The following POLR1C variants were observed in gnomAD, a reference collection of about 807,000 sequenced individuals.
POLR1C encodes RNA polymerase I and III subunit C, also known as DNA-directed RNA polymerases I and III subunit RPAC1.
In POLR1C, 42 loss-of-function variants were observed where a neutral mutation model predicts 38.3. The ratio of observed to expected loss-of-function variants is 1.10; its 90% CI spans 0.86 to 1.42. The LOEUF (loss-of-function observed/expected upper bound fraction) is 1.42, where lower values mean the gene tolerates loss of function less well. Ranked by LOEUF, POLR1C falls within the 40% of genes most tolerant of loss-of-function variation. The pLI, the probability that POLR1C is intolerant of heterozygous loss-of-function variation, is 0.00. For missense variants in POLR1C, 507 were observed against 450.5 expected, an observed-to-expected ratio of 1.13 and a Z score of -1.14; for synonymous variants, 163 against 163.9, an observed-to-expected ratio of 0.99 and a Z score of 0.04.
rs61739889 is a variant in POLR1C at position 43,551,437 on chromosome 6, T to C, written c.*48+426T>C. On this transcript the variant is annotated intron_variant, in intron 10 of 10. Transcript: ENST00000607635. The stretch of plus-strand genomic sequence containing the variant: ...AACCATCTGCAATAGCTCTATTCCA[T>C]CATTAACAGGAATTTCCTGTAACAA... 2,109 of 1,612,708 alleles carry C rather than the reference T, an allele frequency of 1.3e-3. 18 individuals are homozygous for C. The African/African-American group carries it at 0.022, about 17-fold the overall frequency.
chr6:43,538,766 T>C lies in POLR1C; in HGVS notation c.*4+9407T>C, dbSNP rs75273893. 1.2e-3 allele frequency: 771 copies of C among 643,924 alleles called. 4 individuals carry two copies. Among genetic ancestry groups the C allele is most frequent in the African/African-American group, 0.012 (631 of 54,318 alleles). The allele number at this position is 643,924 out of a possible 1,614,324, so 39.9% of individuals were successfully genotyped here. On this transcript the variant is annotated intron_variant, in intron 9 of 10. Coordinates refer to the POLR1C transcript ENST00000607635. ...ATAAAATGAGTTATGGAGCACTACA[T>C]TTTTCTTTTTTTTTTTCCCACGCTT...
In POLR1C at chr6:43,521,337, TCTGA is replaced by T. The variant is rs998123108; in HGVS notation, c.*43_*46del. ...TCTGAGGCAAGCTGAAGCTTTGGGTTCTGACTGACCCACCCTACAGGACTGCTGA... is the reference window on the plus strand; with the variant it reads ...TCTGAGGCAAGCTGAAGCTTTGGGTTCTGACCCACCCTACAGGACTGCTGA... On this transcript the variant is annotated 3_prime_UTR_variant, in exon 9 of 9. Transcript: ENST00000642195. 14 of 1,611,590 alleles carry T rather than the reference TCTGA, an allele frequency of 8.7e-6. No individual in the cohort carries two copies. Among genetic ancestry groups the T allele is most frequent in the African/African-American group, 1.3e-5 (1 of 74,822 alleles).
chr6:43,540,087 C>T (rs1794607785), intron 9 of POLR1C, among the ~76,000 whole-genome samples: 1 of 152,134 alleles, frequency 6.6e-6, no homozygotes, highest in Admixed American at 6.5e-5. Flanking sequence ...GAAACCCTGT[C>T]TCTACTGAAG....
At chr6:43,556,403 T>C (rs1189120882) in intron 10 of POLR1C, among the ~76,000 whole-genome samples, 9 of 151,566 alleles carry the variant, frequency 5.9e-5, no homozygotes, top group Non-Finnish European at 1.0e-4. Flanking sequence ...CATGCTCCTA[T>C]AGTCCCAGTA....
rs188772079 is a variant in POLR1C at position 43,527,505 on chromosome 6, C to A, written c.923-1744C>A. ...GCCAGGATGGTCTTGATCTTTTGAC[C>A]TCGCAATCCACCATGCCCGCCGCAA... On this transcript the variant is annotated intron_variant, in intron 8 of 8. Transcript: ENST00000304004. 226 of 856,684 alleles carry A rather than the reference C, an allele frequency of 2.6e-4. 1 individual carries two copies. The African/African-American group carries it at 2.8e-3, about 11-fold the overall frequency. 53.1% of individuals were successfully genotyped at this position (856,684 alleles called of 1,614,324 possible).
At chr6:43,521,940 ACCT>A (rs1203321786), downstream of POLR1C, among the ~76,000 whole-genome samples, 1 of 152,170 alleles carries the variant, frequency 6.6e-6, no homozygotes, top group African/African-American at 2.4e-5. Flanking sequence ...CAGAAAGAAC[ACCT>A]CCTGAGAATT....
At chr6:43,522,407 AT>A, downstream of POLR1C, 1 of 160,846 alleles carries the variant, frequency 6.2e-6, no homozygotes, top group Non-Finnish European at 1.4e-5. Context: ...AAAAGTTTCT[AT>A]AAACAATAGA....
At chr6:43,560,414 C>T in intron 10 of POLR1C, 2 of 1,328,902 alleles carry the variant, frequency 1.5e-6, no homozygotes, top group Non-Finnish European at 9.9e-7. Context: ...CTGTACAATA[C>T]TTTGAAGCTG....
intron 8 of POLR1C, 56 bp downstream of exon 8, chr6:43,521,104 T>C: frequency 6.3e-7 from 1 of 1,599,386 alleles, no homozygotes; most frequent in African/African-American, 1.3e-5. Flanking sequence ...GCAGCTTCCT[T>C]CCAGTCTAGA....
At chr6:43,525,778 A>C (rs1333490880), downstream of POLR1C, 10 of 1,551,782 alleles carry the variant, frequency 6.4e-6, no homozygotes, top group Admixed American at 1.9e-4. Context: ...GAGCAAGAAA[A>C]GTAAAAGGTG....
chr6:43,522,286 A>C (rs1280237876), downstream of POLR1C: 1 of 152,698 alleles, frequency 6.5e-6, no homozygotes, highest in Non-Finnish European at 1.5e-5. Flanking sequence ...GTAACCCTGG[A>C]GTATGTCACT....
intron 9 of POLR1C, among the ~76,000 whole-genome samples, chr6:43,537,900 C>G (rs962505388): frequency 2.6e-5 from 4 of 151,674 alleles, no homozygotes; most frequent in Admixed American, 6.6e-5. Context: ...AACCCTGTAT[C>G]TACTAAAAAT....
At chr6:43,523,685 AC>A, downstream of POLR1C, 1 of 929,314 alleles carries the variant, frequency 1.1e-6, no homozygotes, top group Non-Finnish European at 1.8e-6. Context: ...CTTTCTTGAT[AC>A]TTTAGTATAA....
chr6:43,536,787 A>AAAAAAAG (rs1561869430), intron 9 of POLR1C, among the ~76,000 whole-genome samples: 6 of 148,546 alleles, frequency 4.0e-5, no homozygotes, highest in African/African-American at 1.5e-4. Context: ...AAAAAAAAAA[A>AAAAAAAG]AAAGCAGCTT....
Position 43,529,294 on chromosome 6 carries a change from G to A in POLR1C, c.968G>A (p.Ser323Asn), listed in dbSNP as rs199754938. The A allele has an allele frequency of 3.1e-5, 38 of 1,230,986 alleles. No homozygotes were observed. The East Asian group carries it at 1.6e-3, about 51-fold the overall frequency. 76.3% of individuals were successfully genotyped at this position (1,230,986 alleles called of 1,614,324 possible). ...GCGGTGGCTCACACCTGTAATCCCA[G>A]CACTTTGGGAGGCCAAGGCGAGTGG... Residue 323 changes from serine to asparagine, a missense_variant, in exon 9 of 9, where the codon AGC becomes AAC. By Grantham distance (46) the Ser-to-Asn change is conservative. Coordinates refer to the POLR1C transcript ENST00000304004.
intron 10 of POLR1C, chr6:43,553,518 C>T (rs1795356208): frequency 6.5e-7 from 1 of 1,542,098 alleles, no homozygotes; most frequent in Non-Finnish European, 8.7e-7. Context: ...AAAACACACA[C>T]ACACACATAC....
intron 9 of POLR1C, among the ~76,000 whole-genome samples, chr6:43,540,634 C>G (rs1794643349): frequency 6.6e-6 from 1 of 152,112 alleles, no homozygotes; most frequent in Non-Finnish European, 1.5e-5. Flanking sequence ...GCCTGGGCAA[C>G]AAGAGTGACA....
rs375012958 is a variant in POLR1C, at chr6:43,520,789, A to G, written c.805+15A>G. 2.5e-6 allele frequency: 4 copies of G among 1,612,744 alleles called. No homozygotes were observed. The African/African-American group carries it at 5.4e-5, about 22-fold the overall frequency. On this transcript the variant is annotated intron_variant, in intron 7 of 8. Coordinates refer to ENST00000642195, the MANE Select transcript of POLR1C (RefSeq NM_203290.4). ...GGAAGTCCAAGGTATGGTATTTGGG[A>G]TGCTGTTCAAGTTAGGACCTAAATT...
chr6:43,545,098 C>A (rs1359910257), intron 9 of POLR1C, among the ~76,000 whole-genome samples: 3 of 151,956 alleles, frequency 2.0e-5, no homozygotes, highest in Non-Finnish European at 1.5e-5. Flanking sequence ...GTCTGAAACT[C>A]CTGACCTCAA....
Sources: gnomAD v4.1 joint callset for allele counts (sites outside exome capture counted in the v4.1 genomes callset) on GRCh38, gnomAD v4.1.1 for gene constraint, MANE v1.5 for transcripts, NCBI Gene and HGNC (gene_info 2026-07-23, HGNC 2026-07-21) for gene names.